Variants in CFHR3 observed in about 807,000 individuals in gnomAD.
CFHR3 encodes complement factor H related 3, also known as complement factor H-related protein 3.
A neutral mutation model predicts 36.0 loss-of-function variants in CFHR3; 22 were observed. The observed-to-expected ratio is 0.61, with a 90% CI of 0.44 to 0.87. The LOEUF (loss-of-function observed/expected upper bound fraction) is 0.87. Among genes scored for constraint, CFHR3 ranks in the 40% least tolerant of loss-of-function variants. The pLI is 0.00. For missense variants in CFHR3, 276 were observed against 401.3 expected (o/e 0.69, Z 2.67); for synonymous variants, 97 against 137.4 (o/e 0.71, Z 2.06).
Position 196,777,998 on chromosome 1 carries a change from A to G in CFHR3, c.59-1164A>G, listed in dbSNP as rs559192545. Among the ~76,000 whole-genome samples, 82 of 132,656 alleles carry G rather than the reference A, an allele frequency of 6.2e-4. 11 individuals carry two copies. The highest frequency in any genetic ancestry group is 8.0e-4 in the Non-Finnish European group (51 of 63,636). 87.0% of individuals were successfully genotyped at this position (132,656 alleles called of 152,430 possible). On this transcript the variant is annotated intron_variant, in intron 1 of 5. Coordinates refer to ENST00000367425, the MANE Select transcript of CFHR3 (RefSeq NM_021023.6). ...CAAGACTGTTAAAAAAAAAAAAAAA[A>G]AAAAGAAAAGAAAGAAAAATTAAAA... is the stretch of plus-strand genomic sequence containing the variant.
intron 4 of CFHR3, chr1:196,789,113 A>G: frequency 2.9e-6 from 3 of 1,035,366 alleles, no homozygotes; most frequent in Non-Finnish European, 3.5e-6. Flanking sequence ...TCCTCTTTAT[A>G]TATTCACAAA....
Position 196,793,312 on chromosome 1 carries a change from T to C in CFHR3, c.797-5T>C. 2.0e-6 allele frequency: 3 copies of C among 1,504,296 alleles called. 1 individual carries two copies. Among genetic ancestry groups the C allele is most frequent in the Non-Finnish European group, 2.7e-6 (3 of 1,113,114 alleles). 93.2% of individuals were successfully genotyped at this position (1,504,296 alleles called of 1,614,324 possible). A position where few individuals can be genotyped will look rare whatever the true frequency, so the allele number is the denominator to read the frequency against. On this transcript the variant is annotated splice_region_variant and splice_polypyrimidine_tract_variant and intron_variant, in intron 5 of 5. Transcript: ENST00000367425. Reference sequence around the variant, plus strand: ...TGATTGTTAATTGTTTTTTTCTGCTTTCAGATCCATGTATAATAACTGAAG... The same window carrying C: ...TGATTGTTAATTGTTTTTTTCTGCTCTCAGATCCATGTATAATAACTGAAG...
At chr1:196,781,715 T>G (rs1246165325) in intron 3 of CFHR3, among the ~76,000 whole-genome samples, 1 of 134,880 alleles carries the variant, frequency 7.4e-6, no homozygotes, top group Admixed American at 7.2e-5. Flanking sequence ...CTTTGTCAGA[T>G]GAGTAGGTTG....
Position 196,779,158 on chromosome 1 carries a change from C to T in CFHR3, c.59-4C>T, listed in dbSNP as rs765568008. On this transcript the variant is annotated splice_polypyrimidine_tract_variant and splice_region_variant and intron_variant, in intron 1 of 5. Transcript: ENST00000367425. ...ATACTTTTTTGTTTGTTTTTTATTG[C>T]AAGTGAAACCTTGTGATTTTCCAGA... 1 of 1,512,388 alleles carries T rather than the reference C, an allele frequency of 6.6e-7. No homozygotes were observed. Among genetic ancestry groups the T allele is most frequent in the Non-Finnish European group, 9.0e-7 (1 of 1,115,526 alleles). The allele number at this position is 1,512,388 out of a possible 1,614,324, so 93.7% of individuals were successfully genotyped here. A position where few individuals can be genotyped will look rare whatever the true frequency, so the allele number is the denominator to read the frequency against.
intron 3 of CFHR3, among the ~76,000 whole-genome samples, 182 bp downstream of exon 3, chr1:196,780,155 C>T (rs562251669): frequency 7.3e-6 from 1 of 137,454 alleles, no homozygotes; most frequent in South Asian, 2.6e-4. Context: ...AAGTACATAG[C>T]AAAATAAATG....
In CFHR3 at chr1:196,779,679, T is replaced by A; in HGVS notation, c.254-118T>A. 3 of 1,291,246 alleles carry A rather than the reference T, an allele frequency of 2.3e-6. 1 individual carries two copies. Among genetic ancestry groups the A allele is most frequent in the South Asian group, 1.7e-5 (1 of 58,964 alleles). 80.0% of individuals were successfully genotyped at this position (1,291,246 alleles called of 1,614,324 possible). A position where few individuals can be genotyped will look rare whatever the true frequency, so the allele number is the denominator to read the frequency against. On this transcript the variant is annotated intron_variant, in intron 2 of 5. Transcript: ENST00000367425. ...ATTTTGGTTCATACTAAGTTGTACA[T>A]TATTTTTGGATGTTTATGCGATCTT...
rs796216874 is a variant in CFHR3, at chr1:196,778,841, T to TA, written c.59-317dup. Among the ~76,000 whole-genome samples, 236 of 137,218 alleles carry TA rather than the reference T, an allele frequency of 1.7e-3. 55 individuals are homozygous for TA. The highest frequency in any genetic ancestry group is 6.9e-3 in the African/African-American group (228 of 33,010). 90.0% of individuals were successfully genotyped at this position (137,218 alleles called of 152,430 possible). On this transcript the variant is annotated intron_variant, in intron 1 of 5. Coordinates refer to ENST00000367425, the MANE Select transcript of CFHR3 (RefSeq NM_021023.6). ...TAAGCTCAGTTCAAATTAATGTTGA[T>TA]AAAACCTCCAGAATTGCTAAAGAGA...
intron 5 of CFHR3, 110 bp from the exon 6 acceptor site, chr1:196,793,207 A>G: frequency 1.9e-6 from 2 of 1,038,290 alleles, no homozygotes; most frequent in East Asian, 5.6e-5. Context: ...ACTATTAACT[A>G]TTTGGATTAT....
intron 5 of CFHR3, among the ~76,000 whole-genome samples, chr1:196,791,444 C>G (rs1285487859): frequency 7.6e-6 from 1 of 130,872 alleles, no homozygotes; most frequent in Non-Finnish European, 1.6e-5. Context: ...TAACCTATTC[C>G]TATCACAGCT....
Position 196,793,347 on chromosome 1 carries a change from A to G in CFHR3, c.827A>G (p.Asn276Ser). The G allele has an allele frequency of 6.6e-7, 1 of 1,518,982 alleles. No individual in the cohort carries two copies. Among genetic ancestry groups the G allele is most frequent in the Non-Finnish European group, 8.9e-7 (1 of 1,122,888 alleles). 94.1% of individuals were successfully genotyped at this position (1,518,982 alleles called of 1,614,324 possible). Residue 276 changes from asparagine (N) to serine (S), a missense_variant, in exon 6 of 6, where the codon AAT (asparagine) becomes AGT (serine). Transcript: ENST00000367425. ...HPCIITEENM[N>S]KNNIKLKGRS... ...TGTATAATAACTGAAGAAAACATGA[A>G]TAAAAATAACATAAAGTTAAAAGGA...
intron 3 of CFHR3, among the ~76,000 whole-genome samples, chr1:196,780,789 G>C (rs1226600037): frequency 7.5e-6 from 1 of 132,712 alleles, no homozygotes; most frequent in Non-Finnish European, 1.6e-5. Context: ...AATGTTTTTT[G>C]GTTCTTTTTT....
rs1653814544 is a variant in CFHR3 at position 196,778,336 on chromosome 1, C to T, written c.59-826C>T. On this transcript the variant is annotated intron_variant, in intron 1 of 5. Transcript: ENST00000367425. ...GCTGTTGTGCCGCTAGCCTCCTTCC[C>T]GTTCTCTCTGATTTATGATGATTCA... 4.4e-5 allele frequency among the ~76,000 whole-genome samples: 6 copies of T among 137,004 alleles called. 1 individual carries two copies. In the South Asian group the frequency reaches 1.0e-3, roughly 23 times the overall value. 89.9% of individuals were successfully genotyped at this position (137,004 alleles called of 152,430 possible). A position where few individuals can be genotyped will look rare whatever the true frequency, so the allele number is the denominator to read the frequency against.
intron 2 of CFHR3, 108 bp from the exon 3 acceptor site, chr1:196,779,689 A>C: frequency 7.6e-7 from 1 of 1,318,196 alleles, no homozygotes; most frequent in African/African-American, 1.8e-5. Context: ...TTATTTTTGG[A>C]TGTTTATGCG....
chr1:196,779,457 G>T lies in CFHR3; in HGVS notation c.253+101G>T, dbSNP rs1405870303. Reference sequence around the variant, plus strand: ...CTCTTGTCTTATGTAACAGAAATAGGGCCAAGAAATGAGTTGTTCAAGCAA... The same window carrying T: ...CTCTTGTCTTATGTAACAGAAATAGTGCCAAGAAATGAGTTGTTCAAGCAA... On this transcript the variant is annotated intron_variant, in intron 2 of 5. Transcript: ENST00000367425. The T allele has an allele frequency of 2.3e-5, 23 of 1,006,406 alleles. 9 individuals carry two copies. In the African/African-American group the frequency reaches 4.3e-4, roughly 19 times the overall value. The allele number at this position is 1,006,406 out of a possible 1,614,324, so 62.3% of individuals were successfully genotyped here. A position where few individuals can be genotyped will look rare whatever the true frequency, so the allele number is the denominator to read the frequency against.
intron 5 of CFHR3, among the ~76,000 whole-genome samples, chr1:196,791,789 A>G (rs2124865386): frequency 7.4e-6 from 1 of 135,580 alleles, no homozygotes; most frequent in East Asian, 2.0e-4. Context: ...GAAAAGTGTT[A>G]GGTTTCAGAG....
chr1:196,789,639 T>C, intron 4 of CFHR3: 1 of 1,422,468 alleles, frequency 7.0e-7, no homozygotes, highest in Non-Finnish European at 9.4e-7. Flanking sequence ...TAAAAGCGGT[T>C]TAAGCTCCGT....
In CFHR3 at chr1:196,794,351, T is replaced by G. The variant is rs1654522160; in HGVS notation, c.*838T>G. On this transcript the variant is annotated 3_prime_UTR_variant, in exon 6 of 6. Coordinates refer to ENST00000367425, the MANE Select transcript of CFHR3 (RefSeq NM_021023.6). Reference sequence around the variant, plus strand: ...GATGGCGTGCACCTGTAGTCCCAGCTACTCAGGAGGCTGAGGTGGGAGAAT... The same window carrying G: ...GATGGCGTGCACCTGTAGTCCCAGCGACTCAGGAGGCTGAGGTGGGAGAAT... 7.3e-6 allele frequency among the ~76,000 whole-genome samples: 1 copy of G among 136,544 alleles called. No homozygotes were observed. Among genetic ancestry groups the G allele is most frequent in the Non-Finnish European group, 1.6e-5 (1 of 64,404 alleles). 89.6% of individuals were successfully genotyped at this position (136,544 alleles called of 152,430 possible).
In CFHR3 at chr1:196,793,735, A is replaced by G. The variant is rs1654503223; in HGVS notation, c.*222A>G. 9.9e-6 allele frequency: 4 copies of G among 405,650 alleles called. No homozygotes were observed. Among genetic ancestry groups the G allele is most frequent in the East Asian group, 9.0e-5 (2 of 22,340 alleles). 25.1% of individuals were successfully genotyped at this position (405,650 alleles called of 1,614,324 possible). ...TGCTTGTACTAAAATAATAAAAACTACTCTTATATTGGACTTCTTATCAAT... is the reference window on the plus strand; with the variant it reads ...TGCTTGTACTAAAATAATAAAAACTGCTCTTATATTGGACTTCTTATCAAT... On this transcript the variant is annotated 3_prime_UTR_variant, in exon 6 of 6. Coordinates refer to ENST00000367425, the MANE Select transcript of CFHR3 (RefSeq NM_021023.6).
Position 196,779,985 on chromosome 1 carries a change from G to A in CFHR3, c.430+12G>A, listed in dbSNP as rs1270376672. 3.3e-6 allele frequency: 5 copies of A among 1,531,710 alleles called. 2 individuals are homozygous for A. In the Admixed American group the frequency reaches 5.2e-5, roughly 16 times the overall value. The allele number at this position is 1,531,710 out of a possible 1,614,324, so 94.9% of individuals were successfully genotyped here. A position where few individuals can be genotyped will look rare whatever the true frequency, so the allele number is the denominator to read the frequency against. On this transcript the variant is annotated intron_variant, in intron 3 of 5. Coordinates refer to ENST00000367425, the MANE Select transcript of CFHR3 (RefSeq NM_021023.6). ...ATGCATCCGTGTCAGTAAGTACACC[G>A]CTCTGAGATCCCAGCATGTTCATGT...
Sources: allele counts gnomAD v4.1 joint callset (sites outside exome capture counted in the v4.1 genomes callset), GRCh38; gene constraint gnomAD v4.1.1; transcripts MANE v1.5; gene names NCBI Gene and HGNC (gene_info 2026-07-23, HGNC 2026-07-21).